CYP4F12: variants seen among roughly 807,000 people sequenced by gnomAD.
CYP4F12 encodes the protein cytochrome P450 family 4 subfamily F member 12, also known as cytochrome P450 4F12.
Under a neutral mutation model 56.5 loss-of-function variants are expected in CYP4F12, and 60 were observed. The observed-to-expected ratio is 1.06, with a 90% CI of 0.86 to 1.32. The LOEUF (loss-of-function observed/expected upper bound fraction) is 1.32, where lower values mean the gene tolerates loss of function less well. Among genes scored for constraint, CYP4F12 ranks in the 40% most tolerant of loss-of-function variants. The pLI, the probability that CYP4F12 is intolerant of heterozygous loss-of-function variation, is 0.00. For missense variants in CYP4F12, 711 were observed against 683.5 expected (o/e 1.04, Z -0.45); for synonymous variants, 263 against 264.9 (o/e 0.99, Z 0.07).
intron 3 of CYP4F12, among the ~76,000 whole-genome samples, chr19:15,679,721 T>C (rs16980704): frequency 0.26 from 40,115 of 152,010 alleles, 5,244 homozygotes; most frequent in African/African-American, 0.35. Flanking sequence ...GTCAGAGTTA[T>C]TATTTTAGTC....
At chr19:15,680,588 G>A (rs767869616) in intron 5 of CYP4F12, 69 bp downstream of exon 5, 1 of 1,610,470 alleles carries the variant, frequency 6.2e-7, no homozygotes, top group Non-Finnish European at 8.5e-7. Context: ...CATCTGGTCT[G>A]GAATTTTGGC....
chr19:15,673,670 G>A lies in CYP4F12; in HGVS notation c.141G>A (p.Arg47=). Residue 47 remains arginine (R), a synonymous_variant, in exon 2 of 13, where the codon CGG becomes CGA. Coordinates refer to ENST00000550308, the MANE Select transcript of CYP4F12 (RefSeq NM_023944.4). ...WTYAFYNNCR[R]LQCFPQPPKR... Reference sequence around the variant, plus strand: ...ATGCCTTCTATAACAACTGCCGCCGGCTCCAGTGTTTCCCACAGCCCCCAA... The same window carrying A: ...ATGCCTTCTATAACAACTGCCGCCGACTCCAGTGTTTCCCACAGCCCCCAA... The A allele has an allele frequency of 6.2e-7, 1 of 1,614,142 alleles. No homozygotes were observed. The highest frequency in any genetic ancestry group is 8.5e-7 in the Non-Finnish European group (1 of 1,180,020).
At chr19:15,684,004 T>C in intron 7 of CYP4F12, 1 of 378,668 alleles carries the variant, frequency 2.6e-6, no homozygotes. Context: ...TGTTAGTCTT[T>C]CACATTTTTA....
At chr19:15,680,119 C>A in intron 3 of CYP4F12, 125 bp from the exon 4 acceptor site, 1 of 1,288,710 alleles carries the variant, frequency 7.8e-7, no homozygotes, top group East Asian at 2.3e-5. Context: ...TCGTCCTTTG[C>A]CCTTGGCCCC....
chr19:15,673,754 G>A, intron 2 of CYP4F12, 27 bp downstream of exon 2: 1 of 1,611,182 alleles, frequency 6.2e-7, no homozygotes, highest in Non-Finnish European at 8.5e-7. Flanking sequence ...AATGTGTCTG[G>A]GGTCTCAGGG....
rs1167313908 is a variant in CYP4F12 at position 15,697,098 on chromosome 19, T to A, written c.*13T>A. On this transcript the variant is annotated 3_prime_UTR_variant, in exon 13 of 13. Coordinates refer to ENST00000550308, the MANE Select transcript of CYP4F12 (RefSeq NM_023944.4). ...AAGCTTGCAGTGACTTTCTGACCCATCCACCTGTTTTTTTGCAGATTGTCA... is the reference window on the plus strand; with the variant it reads ...AAGCTTGCAGTGACTTTCTGACCCAACCACCTGTTTTTTTGCAGATTGTCA... The A allele has an allele frequency of 2.9e-5, 46 of 1,603,250 alleles. No individual in the cohort carries two copies. The highest frequency in any genetic ancestry group is 3.3e-5 in the Non-Finnish European group (39 of 1,172,008).
intron 7 of CYP4F12, chr19:15,684,062 A>G (rs572142032): frequency 8.1e-5 from 16 of 197,618 alleles, no homozygotes; most frequent in African/African-American, 3.7e-4. Context: ...ATCTATGATA[A>G]AAGATGCACC....
intron 9 of CYP4F12, among the ~76,000 whole-genome samples, chr19:15,687,912 G>A (rs2007695708): frequency 6.6e-6 from 1 of 152,180 alleles, no homozygotes; most frequent in Non-Finnish European, 1.5e-5. Flanking sequence ...GAGGTCACAG[G>A]TTGAACGAAA....
chr19:15,674,511 C>T (rs114906349), intron 2 of CYP4F12, among the ~76,000 whole-genome samples: 22 of 140,222 alleles, frequency 1.6e-4, no homozygotes, highest in African/African-American at 6.2e-4. Flanking sequence ...TCTTATTCGT[C>T]TGCTCACTCA....
At chr19:15,674,697 A>ACTCACTCATTCCTCTTCTCCTTCC (rs2006831965) in intron 2 of CYP4F12, among the ~76,000 whole-genome samples, 1 of 11,264 alleles carries the variant, frequency 8.9e-5, no homozygotes, top group Non-Finnish European at 2.4e-4. Context: ...CTCCTCATTC[A>ACTCACTCATTCCTCTTCTCCTTCC]CTGATTCCTC....
intron 3 of CYP4F12, among the ~76,000 whole-genome samples, chr19:15,678,873 C>T (rs2007131063): frequency 6.6e-6 from 1 of 152,184 alleles, no homozygotes; most frequent in African/African-American, 2.4e-5. Context: ...CCTTGCCCAT[C>T]CCTCAGTCCA....
At chr19:15,673,413 A>G (rs1599934220) in intron 1 of CYP4F12, 116 bp from the exon 2 acceptor site, 1 of 1,178,188 alleles carries the variant, frequency 8.5e-7, no homozygotes, top group Non-Finnish European at 1.2e-6. Context: ...TCGTTTACTC[A>G]CCCCTGAGCC....
intron 2 of CYP4F12, among the ~76,000 whole-genome samples, chr19:15,677,450 ACTCATTCCTCTACCCACT>A (rs2007014158): frequency 5.0e-5 from 1 of 20,052 alleles, no homozygotes; most frequent in Non-Finnish European, 1.0e-4. Context: ...TTACCCACTC[ACTCATTCCTCTACCCACT>A]CACTCATTCC....
At chr19:15,678,795 T>A (rs929545723) in intron 3 of CYP4F12, among the ~76,000 whole-genome samples, 1 of 152,298 alleles carries the variant, frequency 6.6e-6, no homozygotes, top group African/African-American at 2.4e-5. Flanking sequence ...TAGGATTTTT[T>A]AAGTGTGGGG....
rs148804213 is a variant in CYP4F12, at chr19:15,681,032, T to A, written c.525+513T>A. On this transcript the variant is annotated intron_variant, in intron 5 of 12. Coordinates refer to ENST00000550308, the MANE Select transcript of CYP4F12 (RefSeq NM_023944.4). ...ATGGGCTCAGCTGTGACACCTGGAC[T>A]TTCCCCCATGTGATTCTCTGCCTCC... is the stretch of plus-strand genomic sequence containing the variant. The A allele has an allele frequency of 1.7e-3, 300 of 176,948 alleles. 3 individuals are homozygous for A. Among genetic ancestry groups the A allele is most frequent in the Middle Eastern group, 8.5e-3 (3 of 352 alleles). The allele number at this position is 176,948 out of a possible 1,614,324, so 11.0% of individuals were successfully genotyped here. A position where few individuals can be genotyped will look rare whatever the true frequency, so the allele number is the denominator to read the frequency against.
intron 9 of CYP4F12, 95 bp downstream of exon 9, chr19:15,685,292 A>T: frequency 6.5e-7 from 1 of 1,528,506 alleles, no homozygotes; most frequent in Non-Finnish European, 8.8e-7. Context: ...GGATTCTTCC[A>T]CTATTGCTTA....
At chr19:15,690,356 G>T (rs1168358561) in intron 9 of CYP4F12, among the ~76,000 whole-genome samples, 1 of 152,110 alleles carries the variant, frequency 6.6e-6, no homozygotes, top group East Asian at 1.9e-4. Context: ...TTTGAAATTT[G>T]CTCTCTTAGC....
In CYP4F12 at chr19:15,677,131, C is replaced by G. The variant is rs1229639387; in HGVS notation, c.199-1130C>G. Among the ~76,000 whole-genome samples the G allele has an allele frequency of 3.0e-4, 23 of 76,916 alleles. 1 individual carries two copies. The highest frequency in any genetic ancestry group is 4.6e-4 in the African/African-American group (11 of 23,766). The allele number at this position is 76,916 out of a possible 152,430, so 50.5% of individuals were successfully genotyped here. On this transcript the variant is annotated intron_variant, in intron 2 of 12. Transcript: ENST00000550308. ...CCTCTGCTCACTCACTCATTCATAT[C>G]CTCACTCACTCATTCCTCTACCCAC...
intron 2 of CYP4F12, among the ~76,000 whole-genome samples, chr19:15,677,033 T>TCATTCACTCATTCCAATACC (rs1568413869): frequency 6.7e-5 from 10 of 148,586 alleles, no homozygotes; most frequent in East Asian, 4.1e-4. Context: ...ATTCCTCTCC[T>TCATTCACTCATTCCAATACC]CACTCACTCA....
Sources: allele counts gnomAD v4.1 joint callset (sites outside exome capture counted in the v4.1 genomes callset), GRCh38; gene constraint gnomAD v4.1.1; transcripts MANE v1.5; gene names NCBI Gene and HGNC (gene_info 2026-07-23, HGNC 2026-07-21).